CDADC1: variants seen among roughly 807,000 people sequenced by gnomAD.
CDADC1 encodes the protein dCTP deaminase.
CDADC1 carries 39 observed loss-of-function variants against 54.9 expected under a neutral mutation model. The observed-to-expected ratio is 0.71, with a 90% CI of 0.55 to 0.93. The LOEUF (loss-of-function observed/expected upper bound fraction) is 0.93, where lower values mean the gene tolerates loss of function less well. Ranked by LOEUF, CDADC1 falls within the 40% of genes least tolerant of loss-of-function variation. The probability of loss-of-function intolerance (pLI) is 0.00; values close to 1 mark genes in which losing one functional copy is unlikely to be tolerated. For missense variants in CDADC1, 518 were observed against 618.8 expected (o/e 0.84, Z 1.73); for synonymous variants, 186 against 204.0 (o/e 0.91, Z 0.75).
At chr13:49,287,469 TC>T (rs1953552443) in intron 9 of CDADC1, among the ~76,000 whole-genome samples, 1 of 7,302 alleles carries the variant, frequency 1.4e-4, no homozygotes, top group African/African-American at 1.5e-4. Flanking sequence ...AAAGGCTGTA[TC>T]TATCTATCTA....
chr13:49,274,691 A>G (rs1953057467), intron 6 of CDADC1, among the ~76,000 whole-genome samples: 1 of 151,924 alleles, frequency 6.6e-6, no homozygotes, highest in Non-Finnish European at 1.5e-5. Context: ...AAATATTAAT[A>G]TTTTTGTAAT....
intron 3 of CDADC1, among the ~76,000 whole-genome samples, chr13:49,256,267 TCA>T (rs1952545907): frequency 6.6e-6 from 1 of 152,234 alleles, no homozygotes; most frequent in African/African-American, 2.4e-5. Flanking sequence ...GGGTCATTTC[TCA>T]GAGTTGTGTT....
At chr13:49,266,123 G>T (rs2138217105) in intron 4 of CDADC1, 1 of 257,986 alleles carries the variant, frequency 3.9e-6, no homozygotes, top group South Asian at 4.2e-5. Context: ...ATTTTGAAGG[G>T]TAGAACACTC....
intron 9 of CDADC1, among the ~76,000 whole-genome samples, chr13:49,288,546 A>G (rs775621408): frequency 1.6e-3 from 247 of 152,334 alleles, no homozygotes; most frequent in Admixed American, 3.1e-3. Context: ...TATAAATGGA[A>G]TCATACAGTA....
chr13:49,282,696 C>T (rs1046097841), intron 8 of CDADC1, among the ~76,000 whole-genome samples: 1 of 152,232 alleles, frequency 6.6e-6, no homozygotes, highest in Non-Finnish European at 1.5e-5. Context: ...AGTTAAGAAG[C>T]TTCTTCTGTA....
intron 9 of CDADC1, among the ~76,000 whole-genome samples, chr13:49,287,466 G>GTATCTATCTATC (rs55902616): frequency 2.0e-3 from 286 of 146,096 alleles, no homozygotes; most frequent in Non-Finnish European, 2.4e-3. Flanking sequence ...AAAAAAGGCT[G>GTATCTATCTATC]TATCTATCTA....
rs559538808 is a variant in CDADC1, at chr13:49,264,589, G to A, written c.431-2901G>A. Among the ~76,000 whole-genome samples, 3 of 150,766 alleles carry A rather than the reference G, an allele frequency of 2.0e-5. No individual in the cohort carries two copies. In the East Asian group the frequency reaches 5.8e-4, roughly 29 times the overall value. ...AAAAAAAAAAAGAGCTGGGTGTGGT[G>A]GTGCACACCTGCAATCACAGCCAAT... On this transcript the variant is annotated intron_variant, in intron 4 of 9. Transcript: ENST00000251108.
intron 8 of CDADC1, among the ~76,000 whole-genome samples, chr13:49,285,155 TTTTC>T (rs1953469333): frequency 6.6e-6 from 1 of 150,974 alleles, no homozygotes; most frequent in African/African-American, 2.4e-5. Context: ...CATATTTTCT[TTTTC>T]TTTTCTTTTT....
rs746316772 is a variant in CDADC1 at position 49,292,803 on chromosome 13, T to C, written c.*1046T>C. ...GTTAGAGAGGGGTGGCCTGGGGTGC[T>C]TCATGAGAAATGTCTTCCTGGATCT... On this transcript the variant is annotated 3_prime_UTR_variant, in exon 10 of 10. Coordinates refer to ENST00000251108, the MANE Select transcript of CDADC1 (RefSeq NM_030911.4). 1 of 1,280,668 alleles carries C rather than the reference T, an allele frequency of 7.8e-7. No individual in the cohort carries two copies. Among genetic ancestry groups the C allele is most frequent in the Non-Finnish European group, 1.0e-6 (1 of 984,814 alleles). 79.3% of individuals were successfully genotyped at this position (1,280,668 alleles called of 1,614,324 possible). A position where few individuals can be genotyped will look rare whatever the true frequency, so the allele number is the denominator to read the frequency against.
chr13:49,261,306 G>T (rs1428804734), intron 4 of CDADC1, among the ~76,000 whole-genome samples: 1 of 152,210 alleles, frequency 6.6e-6, no homozygotes, highest in Admixed American at 6.5e-5. Context: ...TTTCGAGCAG[G>T]TAGGTATCTG....
intron 5 of CDADC1, among the ~76,000 whole-genome samples, chr13:49,271,142 G>A (rs976632752): frequency 1.6e-4 from 24 of 152,282 alleles, no homozygotes; most frequent in African/African-American, 4.1e-4. Context: ...AGCCAGGTGC[G>A]GTGGCTCCCG....
intron 4 of CDADC1, among the ~76,000 whole-genome samples, chr13:49,264,076 G>A (rs1435430117): frequency 1.3e-5 from 2 of 152,178 alleles, no homozygotes; most frequent in Non-Finnish European, 2.9e-5. Flanking sequence ...TAGGCACAGG[G>A]CTAGATCAGG....
chr13:49,269,907 G>A (rs529658306), intron 5 of CDADC1, among the ~76,000 whole-genome samples: 80 of 152,234 alleles, frequency 5.3e-4, no homozygotes, highest in African/African-American at 1.9e-3. Context: ...ATCCACTATT[G>A]TGCAGAATTT....
intron 9 of CDADC1, among the ~76,000 whole-genome samples, chr13:49,289,616 T>C (rs1344732440): frequency 1.3e-5 from 2 of 152,122 alleles, no homozygotes; most frequent in Non-Finnish European, 2.9e-5. Flanking sequence ...CATATAGCAG[T>C]GAAAACAAAT....
chr13:49,275,718 TATATATATAGAGAGAGAGAGAG>T (rs1953101137), intron 6 of CDADC1, among the ~76,000 whole-genome samples: 10 of 38,904 alleles, frequency 2.6e-4, no homozygotes, highest in South Asian at 1.1e-3. Flanking sequence ...TATATATATA[TATATATATAGAGAGAGAGAGAG>T]AGAGAGAGAG....
chr13:49,281,533 T>C (rs1384707001), intron 8 of CDADC1, among the ~76,000 whole-genome samples: 1 of 152,188 alleles, frequency 6.6e-6, no homozygotes, highest in Non-Finnish European at 1.5e-5. Context: ...AGTAGGGTTC[T>C]GCTCCTATGA....
chr13:49,260,970 AG>A (rs1437293422), intron 4 of CDADC1, among the ~76,000 whole-genome samples: 3 of 152,222 alleles, frequency 2.0e-5, no homozygotes, highest in Non-Finnish European at 4.4e-5. Flanking sequence ...ATTCCTGGTC[AG>A]GGGGAACAGT....
intron 6 of CDADC1, among the ~76,000 whole-genome samples, chr13:49,276,383 T>C (rs539854003): frequency 6.6e-6 from 1 of 152,222 alleles, no homozygotes; most frequent in South Asian, 2.1e-4. Flanking sequence ...GACTTGGAGA[T>C]GTGGGGATGG....
intron 2 of CDADC1, among the ~76,000 whole-genome samples, chr13:49,249,590 C>T (rs1335065746): frequency 2.6e-5 from 4 of 152,022 alleles, no homozygotes; most frequent in African/African-American, 4.8e-5. Context: ...AAAAATTAGC[C>T]AGGAGTGGTG....
Sources: gnomAD v4.1 joint callset for allele counts (sites outside exome capture counted in the v4.1 genomes callset) on GRCh38, gnomAD v4.1.1 for gene constraint, MANE v1.5 for transcripts, NCBI Gene and HGNC (gene_info 2026-07-23, HGNC 2026-07-21) for gene names.